Variants in TBX15 observed in about 807,000 individuals in gnomAD.
TBX15 encodes T-box transcription factor TBX15.
In TBX15, 18 loss-of-function variants were observed where a neutral mutation model predicts 53.9. That is an observed-to-expected ratio of 0.33 (90% CI 0.23 to 0.49). The LOEUF (loss-of-function observed/expected upper bound fraction) is 0.49. Among genes scored for constraint, TBX15 ranks in the 20% least tolerant of loss-of-function variants. The pLI, the probability that TBX15 is intolerant of heterozygous loss-of-function variation, is 0.98. For missense variants in TBX15, 692 were observed against 749.5 expected (o/e 0.92, Z 0.90); for synonymous variants, 295 against 278.0 (o/e 1.06, Z -0.61).
chr1:118,923,539 CT>C lies in TBX15; in HGVS notation c.757del (p.Ser253ValfsTer15). On this transcript the variant is annotated frameshift_variant, in exon 5 of 8. Transcript: ENST00000369429. LOFTEE classifies it high-confidence loss of function. Reference sequence around the variant, plus strand: ...AACAGGCTTAGTGGGTGAAAGGTCACTGCTGAAGTCTTTGCGAATCACATGA... The same window carrying C: ...AACAGGCTTAGTGGGTGAAAGGTCACGCTGAAGTCTTTGCGAATCACATGA... ...RVHVIRKDFS[S>X]DLSPTKPVPV... 6.2e-7 allele frequency: 1 copy of C among 1,614,022 alleles called. No homozygotes were observed.
chr1:118,912,239 T>A (rs1275651584), intron 6 of TBX15, among the ~76,000 whole-genome samples: 1 of 151,812 alleles, frequency 6.6e-6, no homozygotes, highest in Non-Finnish European at 1.5e-5. Flanking sequence ...AAAGAAATAG[T>A]TTAATAACTA....
rs765631988 is a variant in TBX15, at chr1:118,931,731, C to A, written c.307G>T (p.Val103Leu). Residue 103 changes from valine (V) to leucine (L), a missense_variant, in exon 2 of 8, where the codon GTG becomes TTG. This residue lies in a region of TBX15 where 307 missense variants were observed against 347.5 expected (regional missense o/e 0.88). Transcript: ENST00000369429. ...TDLASGAAGP[V>L]PAAMSSMEEI... ...TCCATGGAAGACATGGCAGCAGGCA[C>A]AGGGCCTGCAGCACCAGAGGCCAGG... 1 of 1,613,854 alleles carries A rather than the reference C, an allele frequency of 6.2e-7. No individual in the cohort carries two copies. The highest frequency in any genetic ancestry group is 1.6e-4 in the Middle Eastern group (1 of 6,084).
In TBX15 at chr1:118,899,093, G is replaced by A. The variant is rs753801433; in HGVS notation, c.959C>T (p.Ala320Val). 1 of 1,613,662 alleles carries A rather than the reference G, an allele frequency of 6.2e-7. No homozygotes were observed. The highest frequency in any genetic ancestry group is 1.7e-4 in the Middle Eastern group (1 of 6,058). Residue 320 changes from alanine (A) to valine (V), a missense_variant, in exon 7 of 8, where the codon GCA (alanine) becomes GTA (valine). Ala to Val is a moderately conservative substitution (Grantham distance 64). Transcript: ENST00000369429. ...TGLEAIMETY[A>V]FWRPPVRTLT... ...TGTGCGCACAGGAGGTCTCCAGAAT[G>A]CATATGTCTCCATGATGGCTTCAAG... is the stretch of plus-strand genomic sequence containing the variant.
Position 118,923,522 on chromosome 1 carries a change from T to C in TBX15, c.775A>G (p.Lys259Glu). ...KDFSSDLSPT[K>E]PVPVGDGVKT... Reference sequence around the variant, plus strand: ...ACCCCATCCCCAACAGGAACAGGCTTAGTGGGTGAAAGGTCACTGCTGAAG... The same window carrying C: ...ACCCCATCCCCAACAGGAACAGGCTCAGTGGGTGAAAGGTCACTGCTGAAG... Residue 259 changes from lysine to glutamate, a missense_variant, in exon 5 of 8, where the codon AAG becomes GAG. Coordinates refer to ENST00000369429, the MANE Select transcript of TBX15 (RefSeq NM_001330677.2). The C allele has an allele frequency of 6.2e-7, 1 of 1,613,996 alleles. No homozygotes were observed. The highest frequency in any genetic ancestry group is 8.5e-7 in the Non-Finnish European group (1 of 1,179,938).
intron 2 of TBX15, among the ~76,000 whole-genome samples, chr1:118,929,528 T>C (rs1180650137): frequency 6.6e-6 from 1 of 152,184 alleles, no homozygotes; most frequent in Non-Finnish European, 1.5e-5. Context: ...TTGAGACAAC[T>C]GAATACAGAA....
chr1:118,906,545 G>C (rs1654835578), intron 6 of TBX15, among the ~76,000 whole-genome samples: 1 of 152,160 alleles, frequency 6.6e-6, no homozygotes, highest in Admixed American at 6.5e-5. Flanking sequence ...TTGTGCCCAA[G>C]AGAGGTGGTT....
At chr1:118,934,895 C>T (rs1655913916) in intron 1 of TBX15, among the ~76,000 whole-genome samples, 1 of 152,316 alleles carries the variant, frequency 6.6e-6, no homozygotes, top group East Asian at 1.9e-4. Context: ...GATTTTCACT[C>T]TCTCACAAAA....
intron 1 of TBX15, among the ~76,000 whole-genome samples, chr1:118,955,011 G>GT (rs1656635300): frequency 1.3e-5 from 2 of 152,324 alleles, no homozygotes; most frequent in Middle Eastern, 3.4e-3. Flanking sequence ...CAAAGGGAGT[G>GT]TGAAGAATGT....
At chr1:118,927,322 T>C (rs1489792878) in intron 2 of TBX15, among the ~76,000 whole-genome samples, 1 of 152,224 alleles carries the variant, frequency 6.6e-6, no homozygotes, top group African/African-American at 2.4e-5. Context: ...TATAATCTTT[T>C]TAAAGGTTAG....
At chr1:118,923,946 T>A (rs1655510121) in intron 4 of TBX15, among the ~76,000 whole-genome samples, 1 of 152,244 alleles carries the variant, frequency 6.6e-6, no homozygotes. Flanking sequence ...CTTCAAATTT[T>A]CAGCATGTAT....
chr1:118,937,101 A>G (rs1655996501), intron 1 of TBX15, among the ~76,000 whole-genome samples: 2 of 152,198 alleles, frequency 1.3e-5, no homozygotes, highest in Admixed American at 6.5e-5. Context: ...ATGAGGTAAC[A>G]TTTGAATATG....
At chr1:118,984,075 A>G (rs1026661192) in intron 1 of TBX15, among the ~76,000 whole-genome samples, 4 of 152,250 alleles carry the variant, frequency 2.6e-5, no homozygotes, top group Non-Finnish European at 5.9e-5. Context: ...CTTGATCTAG[A>G]TAACTCCAAA....
intron 1 of TBX15, among the ~76,000 whole-genome samples, chr1:118,956,786 AC>A (rs1355276363): frequency 1.1e-5 from 1 of 92,110 alleles, no homozygotes; most frequent in African/African-American, 4.5e-5. Context: ...CCCCGTTTCT[AC>A]TAAAAAAAAA....
intron 1 of TBX15, among the ~76,000 whole-genome samples, chr1:118,944,579 G>A (rs1656284998): frequency 6.6e-6 from 1 of 152,220 alleles, no homozygotes; most frequent in Non-Finnish European, 1.5e-5. Context: ...GTGTGTTGTT[G>A]AGTGTCTGTT....
intron 1 of TBX15, among the ~76,000 whole-genome samples, chr1:118,957,364 G>A (rs940635914): frequency 6.6e-6 from 1 of 152,180 alleles, no homozygotes; most frequent in African/African-American, 2.4e-5. Flanking sequence ...TTTCTCTAGG[G>A]CAGGACCAGG....
At chr1:118,892,154 TA>T (rs10715245) in intron 7 of TBX15, among the ~76,000 whole-genome samples, 94,036 of 151,940 alleles carry the variant, frequency 0.62, 31,246 homozygotes, top group East Asian at 0.93. Flanking sequence ...TCTAGCTCTG[TA>T]AAAAAAATAT....
chr1:118,907,042 T>C (rs1044997551), intron 6 of TBX15, among the ~76,000 whole-genome samples: 1 of 152,210 alleles, frequency 6.6e-6, no homozygotes, highest in African/African-American at 2.4e-5. Context: ...AGGCTTCCAA[T>C]GGTGGATTCG....
intron 6 of TBX15, among the ~76,000 whole-genome samples, chr1:118,899,862 G>A (rs1272231037): frequency 2.0e-5 from 3 of 152,114 alleles, no homozygotes; most frequent in Non-Finnish European, 2.9e-5. Context: ...AACATTTTAC[G>A]AGTACATTCC....
Position 118,926,539 on chromosome 1 carries a change from G to A in TBX15, c.492C>T (p.Asp164=). Residue 164 remains aspartate (D), a synonymous_variant, in exon 3 of 8, where the codon GAC becomes GAT. Transcript: ENST00000369429. The part of the protein sequence containing the change: ...DPHQQYYIAM[D]IVPVDNKRYR... ...ATCTTTTATTGTCCACAGGCACAAT[G>A]TCCATTGCTATGTAGTACTGCTGAT... 6.2e-7 allele frequency: 1 copy of A among 1,613,860 alleles called. No homozygotes were observed. The highest frequency in any genetic ancestry group is 1.7e-4 in the Middle Eastern group (1 of 6,060).
Sources: allele counts gnomAD v4.1 joint callset (sites outside exome capture counted in the v4.1 genomes callset), GRCh38; gene constraint gnomAD v4.1.1; regional missense constraint gnomAD v4.1.1; transcripts MANE v1.5; gene names NCBI Gene and HGNC (gene_info 2026-07-23, HGNC 2026-07-21).